RASL10B: variants seen among roughly 807,000 people sequenced by gnomAD.
The protein encoded by RASL10B is ras-like protein family member 10B.
Under a neutral mutation model 20.7 loss-of-function variants are expected in RASL10B, and 10 were observed. The observed-to-expected ratio is 0.48, with a 90% CI of 0.30 to 0.82. The LOEUF (loss-of-function observed/expected upper bound fraction) is 0.82, where lower values mean the gene tolerates loss of function less well. Among genes scored for constraint, RASL10B ranks in the 40% least tolerant of loss-of-function variants. The pLI, the probability that RASL10B is intolerant of heterozygous loss-of-function variation, is 0.07. For synonymous variants in RASL10B, 110 were observed against 123.3 expected, an observed-to-expected ratio of 0.89 and a Z score of 0.72; for missense variants, 231 against 295.4, an observed-to-expected ratio of 0.78 and a Z score of 1.60.
At chr17:35,732,137 T>C (rs587720929) in intron 1 of RASL10B, among the ~76,000 whole-genome samples, 4 of 152,072 alleles carry the variant, frequency 2.6e-5, no homozygotes, top group Non-Finnish European at 4.4e-5. Flanking sequence ...CTCCTACCAA[T>C]CAGGTCATGG....
rs2085626429 is a variant in RASL10B, at chr17:35,741,169, C to T, written c.476C>T (p.Ser159Leu). 2 of 1,613,400 alleles carry T rather than the reference C, an allele frequency of 1.2e-6. No homozygotes were observed. The highest frequency in any genetic ancestry group is 1.7e-6 in the Non-Finnish European group (2 of 1,180,034). ...KTWKCGYVEC[S>L]AKYNWHILLL... Reference sequence around the variant, plus strand: ...TGGAAGTGCGGCTACGTGGAATGCTCGGCCAAGTACAACTGGCACATCCTG... The same window carrying T: ...TGGAAGTGCGGCTACGTGGAATGCTTGGCCAAGTACAACTGGCACATCCTG... The change falls in exon 4 of 4, where the codon TCG becomes TTG. Residue 159 changes from serine (S) to leucine (L), a missense_variant. Transcript: ENST00000603017.
Position 35,741,366 on chromosome 17 carries a change from G to C in RASL10B, c.*61G>C. On this transcript the variant is annotated 3_prime_UTR_variant, in exon 4 of 4. Transcript: ENST00000603017. The stretch of plus-strand genomic sequence containing the variant: ...CGAGCGGAGGGCGGGGCCGTACTGC[G>C]GGGCTGGGGCGGGGAGCGGGCGGGA... 1 of 1,369,878 alleles carries C rather than the reference G, an allele frequency of 7.3e-7. No homozygotes were observed. The highest frequency in any genetic ancestry group is 1.7e-5 in the South Asian group (1 of 59,802). The allele number at this position is 1,369,878 out of a possible 1,614,324, so 84.9% of individuals were successfully genotyped here. A position where few individuals can be genotyped will look rare whatever the true frequency, so the allele number is the denominator to read the frequency against.
chr17:35,734,887 G>A (rs1285791278), intron 1 of RASL10B, among the ~76,000 whole-genome samples, 151 bp from the exon 2 acceptor site: 1 of 152,204 alleles, frequency 6.6e-6, no homozygotes. Context: ...AGGAGGGATG[G>A]AGAGGTTTTG....
At chr17:35,734,288 C>T (rs1555596759) in intron 1 of RASL10B, among the ~76,000 whole-genome samples, 1 of 152,216 alleles carries the variant, frequency 6.6e-6, no homozygotes, top group Non-Finnish European at 1.5e-5. Context: ...AGTACTGCGA[C>T]ATCGTAGAAA....
In RASL10B at chr17:35,735,220, G is replaced by A. The variant is rs781956889; in HGVS notation, c.36G>A (p.Ala12=). 21 of 1,612,250 alleles carry A rather than the reference G, an allele frequency of 1.3e-5. No individual in the cohort carries two copies. In the South Asian group the frequency reaches 1.5e-4, roughly 12 times the overall value. Residue 12 remains alanine (A), a synonymous_variant, in exon 2 of 4, where the codon GCG becomes GCA. Coordinates refer to ENST00000603017, the MANE Select transcript of RASL10B (RefSeq NM_033315.4). The surrounding 1 kb of genome is among the most constrained non-coding windows in gnomAD (Gnocchi z 6.7). ...CCTACCGGGTGGCCGTGCTGGGGGC[G>A]CGAGGTGTGGGCAAGAGTGCCATCG... ...VSTYRVAVLG[A]RGVGKSAIVR...
chr17:35,743,036 C>T lies in RASL10B; in HGVS notation c.*1731C>T, dbSNP rs1555598260. 6.5e-6 allele frequency: 1 copy of T among 152,732 alleles called. No homozygotes were observed. The highest frequency in any genetic ancestry group is 1.9e-4 in the East Asian group (1 of 5,202). The allele number at this position is 152,732 out of a possible 1,614,324, so 9.5% of individuals were successfully genotyped here. On this transcript the variant is annotated 3_prime_UTR_variant, in exon 4 of 4. Coordinates refer to ENST00000603017, the MANE Select transcript of RASL10B (RefSeq NM_033315.4). Reference sequence around the variant, plus strand: ...CAGTCTAGTGTTCCTGCATTCTAGTCCCTGCTGTGCTGCAGGACTTTGGGC... The same window carrying T: ...CAGTCTAGTGTTCCTGCATTCTAGTTCCTGCTGTGCTGCAGGACTTTGGGC...
In RASL10B at chr17:35,741,039, A is replaced by C. The variant is rs368854568; in HGVS notation, c.346A>C (p.Ile116Leu). 5.1e-5 allele frequency: 81 copies of C among 1,599,476 alleles called. No individual in the cohort carries two copies. Among genetic ancestry groups the C allele is most frequent in the Non-Finnish European group, 6.8e-5 (80 of 1,170,174 alleles). The part of the protein sequence containing the change: ...IRQQILETRV[I>L]GTSETPIIIV... ...GCTGCCTGCCTCGCCCCACAGGGTGATCGGAACCTCAGAGACGCCCATCAT... is the reference window on the plus strand; with the variant it reads ...GCTGCCTGCCTCGCCCCACAGGGTGCTCGGAACCTCAGAGACGCCCATCAT... Residue 116 changes from isoleucine (I) to leucine (L), a missense_variant, in exon 4 of 4, where the codon ATC (isoleucine) becomes CTC (leucine). By Grantham distance (5) the Ile-to-Leu change is conservative. Coordinates refer to ENST00000603017, the MANE Select transcript of RASL10B (RefSeq NM_033315.4).
chr17:35,741,412 G>T lies in RASL10B; in HGVS notation c.*107G>T, dbSNP rs1211398930. ...CGGGAAATGGAACTGTGACGGTCCC[G>T]GCCTGAGGCCCCTGCAGCCACGCAC... On this transcript the variant is annotated 3_prime_UTR_variant, in exon 4 of 4. Transcript: ENST00000603017. 2 of 1,345,656 alleles carry T rather than the reference G, an allele frequency of 1.5e-6. No homozygotes were observed. The highest frequency in any genetic ancestry group is 7.8e-5 in the Admixed American group (2 of 25,710). 83.4% of individuals were successfully genotyped at this position (1,345,656 alleles called of 1,614,324 possible).
chr17:35,740,398 G>T lies in RASL10B; in HGVS notation c.217-11G>T, dbSNP rs1555597714. ...CTGCTCTGACCCTGGTACTGGCTGG[G>T]GATATTGCAGGAGTGGGCAGACACC... On this transcript the variant is annotated splice_polypyrimidine_tract_variant and intron_variant, in intron 2 of 3. Coordinates refer to ENST00000603017, the MANE Select transcript of RASL10B (RefSeq NM_033315.4). The T allele has an allele frequency of 3.7e-6, 6 of 1,612,494 alleles. No individual in the cohort carries two copies. In the South Asian group the frequency reaches 6.6e-5, roughly 18 times the overall value.
chr17:35,740,546 A>AACAC lies in RASL10B; in HGVS notation c.341+15_341+18dup, dbSNP rs1555597765. 6.2e-7 allele frequency: 1 copy of AACAC among 1,611,368 alleles called. No individual in the cohort carries two copies. Among genetic ancestry groups the AACAC allele is most frequent in the East Asian group, 2.2e-5 (1 of 44,784 alleles). On this transcript the variant is annotated intron_variant, in intron 3 of 3. Transcript: ENST00000603017. The stretch of plus-strand genomic sequence containing the variant: ...TCCTGGAGACGAGGTGAGAGGCTGG[A>AACAC]ACACAGTCCATTGCCACCTCTGTGG...
intron 2 of RASL10B, among the ~76,000 whole-genome samples, chr17:35,739,516 C>A (rs1964439365): frequency 6.6e-6 from 1 of 152,218 alleles, no homozygotes; most frequent in South Asian, 2.1e-4. Flanking sequence ...TCACCTTGAG[C>A]TGTACCCCCC....
chr17:35,739,335 G>T (rs1270841269), intron 2 of RASL10B, among the ~76,000 whole-genome samples: 2 of 152,148 alleles, frequency 1.3e-5, no homozygotes, highest in Non-Finnish European at 2.9e-5. Context: ...GGCTTTGGTG[G>T]GAGAAGACTC....
At chr17:35,732,713 G>A (rs1420913082) in intron 1 of RASL10B, among the ~76,000 whole-genome samples, 3 of 152,040 alleles carry the variant, frequency 2.0e-5, no homozygotes. Context: ...TGGTGTCCGC[G>A]ACAATCTGCA....
rs1283711859 is a variant in RASL10B, at chr17:35,743,154, G to A, written c.*1849G>A. 1 of 152,730 alleles carries A rather than the reference G, an allele frequency of 6.5e-6. No individual in the cohort carries two copies. The highest frequency in any genetic ancestry group is 1.5e-5 in the Non-Finnish European group (1 of 68,118). The allele number at this position is 152,730 out of a possible 1,614,324, so 9.5% of individuals were successfully genotyped here. ...AGTGGCTGGGAGGGTAACAAAGAGG[G>A]CCTGCCCCTTTAGTCTCCTGCACCC... is the stretch of plus-strand genomic sequence containing the variant. On this transcript the variant is annotated 3_prime_UTR_variant, in exon 4 of 4. Coordinates refer to ENST00000603017, the MANE Select transcript of RASL10B (RefSeq NM_033315.4).
intron 2 of RASL10B, among the ~76,000 whole-genome samples, chr17:35,737,785 C>T (rs1228097553): frequency 6.6e-6 from 1 of 151,864 alleles, no homozygotes; most frequent in African/African-American, 2.4e-5. Context: ...TGCCTGTGGT[C>T]CCAGCTGCTT....
intron 3 of RASL10B, 94 bp downstream of exon 3, chr17:35,740,627 G>T: frequency 7.2e-7 from 1 of 1,395,980 alleles, no homozygotes. Context: ...GACACAGATA[G>T]AGGTATATGT....
In RASL10B at chr17:35,741,423, C is replaced by G; in HGVS notation, c.*118C>G. On this transcript the variant is annotated 3_prime_UTR_variant, in exon 4 of 4. Coordinates refer to ENST00000603017, the MANE Select transcript of RASL10B (RefSeq NM_033315.4). ...ACTGTGACGGTCCCGGCCTGAGGCC[C>G]CTGCAGCCACGCACCTCCCGGTGAG... 7.6e-7 allele frequency: 1 copy of G among 1,318,550 alleles called. No homozygotes were observed. The allele number at this position is 1,318,550 out of a possible 1,614,324, so 81.7% of individuals were successfully genotyped here. A position where few individuals can be genotyped will look rare whatever the true frequency, so the allele number is the denominator to read the frequency against.
At position 35,741,243 on chromosome 17, in the gene RASL10B, C is replaced by T. The variant is rs782654040; in HGVS notation, c.550C>T (p.His184Tyr). Reference protein sequence around the residue: ...LKSVGCARCKHVHAALRFQGA... With the variant: ...LKSVGCARCKYVHAALRFQGA... ...GAGCGTCGGCTGCGCCCGTTGCAAG[C>T]ACGTGCACGCTGCCCTGCGCTTCCA... The change falls in exon 4 of 4, where the codon CAC (histidine) becomes TAC (tyrosine). Residue 184 changes from histidine (H) to tyrosine (Y), a missense_variant. By Grantham distance (83) the His-to-Tyr change is moderately conservative (BLOSUM62 2). Transcript: ENST00000603017. 1 of 1,595,572 alleles carries T rather than the reference C, an allele frequency of 6.3e-7. No homozygotes were observed. The highest frequency in any genetic ancestry group is 2.3e-5 in the East Asian group (1 of 43,614).
chr17:35,741,188 C>T lies in RASL10B; in HGVS notation c.495C>T (p.His165=). ...YVECSAKYNW[H]ILLLFSELLK... is the part of the protein sequence containing the mutation. ...AATGCTCGGCCAAGTACAACTGGCA[C>T]ATCCTGCTGCTCTTCAGCGAGCTGC... The change falls in exon 4 of 4, where the codon CAC becomes CAT. Residue 165 remains histidine, a synonymous_variant. Transcript: ENST00000603017. 1.2e-6 allele frequency: 2 copies of T among 1,613,262 alleles called. No homozygotes were observed. The highest frequency in any genetic ancestry group is 1.7e-5 in the Admixed American group (1 of 60,024).
Sources: gnomAD v4.1 joint callset for allele counts (sites outside exome capture counted in the v4.1 genomes callset) on GRCh38, gnomAD v4.1.1 for gene constraint, Gnocchi (gnomAD v3.1) non-coding constraint, MANE v1.5 for transcripts, NCBI Gene and HGNC (gene_info 2026-07-23, HGNC 2026-07-21) for gene names.